The following KRT23 variants were observed in gnomAD, a reference collection of about 807,000 sequenced individuals.
KRT23 encodes the protein keratin 23.
KRT23 carries 38 observed loss-of-function variants against 47.6 expected under a neutral mutation model. That is an observed-to-expected ratio of 0.80 (90% CI 0.62 to 1.05). KRT23 has a LOEUF of 1.05. Among genes scored for constraint, KRT23 ranks in the 50% least tolerant of loss-of-function variants. KRT23 has a pLI of 0.00. For synonymous variants in KRT23, 191 were observed against 199.0 expected (o/e 0.96, Z 0.34); for missense variants, 503 against 529.5 (o/e 0.95, Z 0.49).
intron 4 of KRT23, among the ~76,000 whole-genome samples, chr17:40,928,951 T>TGCGAGGTG (rs1909432823): frequency 6.9e-6 from 1 of 144,098 alleles, no homozygotes; most frequent in African/African-American, 2.6e-5. Flanking sequence ...CGCTTGAACC[T>TGCGAGGTG]GCGAGGTGGA....
chr17:40,925,678 CT>C, intron 6 of KRT23, 104 bp from the exon 7 acceptor site: 1 of 832,458 alleles, frequency 1.2e-6, no homozygotes, highest in Non-Finnish European at 1.9e-6. Context: ...GGCTAGGTGT[CT>C]TGGTAGCTGC....
chr17:40,925,260 G>C, intron 7 of KRT23, 94 bp downstream of exon 7: 1 of 1,053,980 alleles, frequency 9.5e-7, no homozygotes, highest in African/African-American at 1.6e-5. Context: ...TCTTGCTAGA[G>C]TGACTCTTGC....
chr17:40,930,842 T>G (rs1909613722), intron 3 of KRT23, among the ~76,000 whole-genome samples: 2 of 151,960 alleles, frequency 1.3e-5, no homozygotes, highest in Non-Finnish European at 2.9e-5. Flanking sequence ...ATAACAACCC[T>G]TTAATATCAT....
chr17:40,936,281 T>A lies in KRT23; in HGVS notation c.323A>T (p.His108Leu), dbSNP rs1423595705. The A allele has an allele frequency of 1.7e-5, 27 of 1,614,090 alleles. No homozygotes were observed. Among genetic ancestry groups the A allele is most frequent in the Non-Finnish European group, 2.2e-5 (26 of 1,180,036 alleles). ...CTTACTGCCAGGATCTCTCTGCTGG[T>A]GCCATTTCAGGATGCGGCTTTCCAG... ...MKLESRILKW[H>L]QQRDPGSKKD... is the part of the protein sequence containing the mutation. The change falls in exon 2 of 9, where the codon CAC becomes CTC. Residue 108 changes from histidine to leucine, a missense_variant. By Grantham distance (99) the His-to-Leu change is moderately conservative (BLOSUM62 -3). Transcript: ENST00000209718.
intron 4 of KRT23, 170 bp downstream of exon 4, chr17:40,929,770 A>G: frequency 1.9e-6 from 1 of 532,656 alleles, no homozygotes; most frequent in Non-Finnish European, 3.2e-6. Context: ...TGACTAGCTA[A>G]CCTTGAAATT....
At chr17:40,935,113 T>TG (rs1909968175) in intron 2 of KRT23, among the ~76,000 whole-genome samples, 1 of 149,834 alleles carries the variant, frequency 6.7e-6, no homozygotes, top group Non-Finnish European at 1.5e-5. Context: ...GTCACCTTGT[T>TG]TTTTTTTTTT....
chr17:40,923,280 G>C (rs944531540), intron 8 of KRT23, among the ~76,000 whole-genome samples, 197 bp from the exon 9 acceptor site: 1 of 152,210 alleles, frequency 6.6e-6, no homozygotes, highest in Non-Finnish European at 1.5e-5. Context: ...CAGGAAATGA[G>C]GATCTCTGAA....
In KRT23 at chr17:40,927,900, G is replaced by A. The variant is rs150609606; in HGVS notation, c.921+338C>T. 2.1e-3 allele frequency among the ~76,000 whole-genome samples: 319 copies of A among 152,234 alleles called. 2 individuals are homozygous for A. The highest frequency in any genetic ancestry group is 7.2e-3 in the African/African-American group (301 of 41,542). On this transcript the variant is annotated intron_variant, in intron 6 of 8. Coordinates refer to ENST00000209718, the MANE Select transcript of KRT23 (RefSeq NM_015515.5). Reference sequence around the variant, plus strand: ...AATAAATCATATGGTTTCATCACCAGTTACTTACTAGCTGTGTGACCTTGG... The same window carrying A: ...AATAAATCATATGGTTTCATCACCAATTACTTACTAGCTGTGTGACCTTGG...
chr17:40,935,111 G>GTTTTTT (rs61234380), intron 2 of KRT23, among the ~76,000 whole-genome samples: 2 of 137,196 alleles, frequency 1.5e-5, no homozygotes, highest in Non-Finnish European at 3.2e-5. Context: ...GAGTCACCTT[G>GTTTTTT]TTTTTTTTTT....
At chr17:40,932,304 T>C (rs1909752391) in intron 2 of KRT23, among the ~76,000 whole-genome samples, 1 of 152,172 alleles carries the variant, frequency 6.6e-6, no homozygotes, top group African/African-American at 2.4e-5. Flanking sequence ...AGAAAAATAG[T>C]ATTGAAAGCA....
In KRT23 at chr17:40,922,772, A is replaced by C; in HGVS notation, c.*217T>G. ...AATCTGAAGGCTGCAGTAGGAAAGTAGAGCTTTACCCTCATAAACTCGCAC... is the reference window on the plus strand; with the variant it reads ...AATCTGAAGGCTGCAGTAGGAAAGTCGAGCTTTACCCTCATAAACTCGCAC... On this transcript the variant is annotated 3_prime_UTR_variant, in exon 9 of 9. Coordinates refer to ENST00000209718, the MANE Select transcript of KRT23 (RefSeq NM_015515.5). 2.3e-6 allele frequency: 1 copy of C among 429,788 alleles called. No individual in the cohort carries two copies. The highest frequency in any genetic ancestry group is 4.1e-6 in the Non-Finnish European group (1 of 242,434). The allele number at this position is 429,788 out of a possible 1,614,324, so 26.6% of individuals were successfully genotyped here. A position where few individuals can be genotyped will look rare whatever the true frequency, so the allele number is the denominator to read the frequency against.
chr17:40,933,029 AGCATATTATCG>A (rs1420500514), intron 2 of KRT23, among the ~76,000 whole-genome samples: 15 of 152,386 alleles, frequency 9.8e-5, no homozygotes, highest in African/African-American at 3.6e-4. Flanking sequence ...AATGTCAAAT[AGCATATTATCG>A]GCATATTATA....
At chr17:40,925,653 A>G in intron 6 of KRT23, 79 bp from the exon 7 acceptor site, 2 of 1,087,156 alleles carry the variant, frequency 1.8e-6, no homozygotes, top group Non-Finnish European at 2.7e-6. Context: ...AGTACTTAGC[A>G]GATGTCGACC....
intron 8 of KRT23, 130 bp downstream of exon 8, chr17:40,924,342 A>T (rs1399466721): frequency 5.9e-6 from 4 of 673,440 alleles, no homozygotes; most frequent in Non-Finnish European, 1.0e-5. Context: ...TGTTCATTGA[A>T]GATTCCTGAC....
chr17:40,936,830 C>A lies in KRT23; in HGVS notation c.-227G>T. ...ACACTGTTGTTGTTTAGAGCCACATCAATATGACAGTTTGCTTCCTCCCTT... is the reference window on the plus strand; with the variant it reads ...ACACTGTTGTTGTTTAGAGCCACATAAATATGACAGTTTGCTTCCTCCCTT... On this transcript the variant is annotated 5_prime_UTR_variant, in exon 2 of 9. The change abolishes the stop of an existing upstream ORF in the 5' untranslated region. Coordinates refer to ENST00000209718, the MANE Select transcript of KRT23 (RefSeq NM_015515.5). 2.4e-6 allele frequency: 1 copy of A among 409,352 alleles called. No individual in the cohort carries two copies. Among genetic ancestry groups the A allele is most frequent in the Non-Finnish European group, 4.3e-6 (1 of 233,424 alleles). The allele number at this position is 409,352 out of a possible 1,614,324, so 25.4% of individuals were successfully genotyped here. A position where few individuals can be genotyped will look rare whatever the true frequency, so the allele number is the denominator to read the frequency against.
rs754537239 is a variant in KRT23, at chr17:40,931,390, C to G, written c.462G>C (p.Val154=). The change falls in exon 3 of 9, where the codon GTG becomes GTC. Residue 154 remains valine (V), a synonymous_variant. Coordinates refer to ENST00000209718, the MANE Select transcript of KRT23 (RefSeq NM_015515.5). ...GAACTTACTTGAGGTTGAAGTCATC[C>G]ACTGCCATCCTGGCATTGTCAATGA... is the stretch of plus-strand genomic sequence containing the variant. ...ILLIDNARMA[V]DDFNLKYENE... 16 of 1,612,074 alleles carry G rather than the reference C, an allele frequency of 9.9e-6. No homozygotes were observed. The African/African-American group carries it at 1.9e-4, about 19-fold the overall frequency.
At position 40,936,348 on chromosome 17, in the gene KRT23, A is replaced by G; in HGVS notation, c.256T>C (p.Tyr86His). The G allele has an allele frequency of 1.2e-6, 2 of 1,614,222 alleles. No homozygotes were observed. The highest frequency in any genetic ancestry group is 1.7e-6 in the Non-Finnish European group (2 of 1,180,034). Residue 86 changes from tyrosine (Y) to histidine (H), a missense_variant, in exon 2 of 9, where the codon TAC (tyrosine) becomes CAC (histidine). Transcript: ENST00000209718. Reference protein sequence around the residue: ...MQNLNDRLASYLEKVRALEEA... With the variant: ...MQNLNDRLASHLEKVRALEEA... The stretch of plus-strand genomic sequence containing the variant: ...TCCAGGGCGCGAACCTTCTCCAGGT[A>G]GGAGGCCAGGCGGTCGTTGAGATTC...
chr17:40,936,790 C>T lies in KRT23; in HGVS notation c.-187G>A, dbSNP rs1910113785. On this transcript the variant is annotated 5_prime_UTR_variant, in exon 2 of 9. Transcript: ENST00000209718. ...TTTCCTCTTGGTCAATCCCAAAGTG[C>T]CCCTGGGCCTTCGCACACTGTTGTT... The T allele has an allele frequency of 4.1e-6, 2 of 482,740 alleles. No homozygotes were observed. The highest frequency in any genetic ancestry group is 7.7e-5 in the South Asian group (1 of 12,992). The allele number at this position is 482,740 out of a possible 1,614,324, so 29.9% of individuals were successfully genotyped here.
At position 40,925,355 on chromosome 17, in the gene KRT23, C is replaced by T. The variant is rs1909158131; in HGVS notation, c.1141G>A (p.Gly381Arg). The T allele has an allele frequency of 6.2e-7, 1 of 1,612,730 alleles. No homozygotes were observed. Among genetic ancestry groups the T allele is most frequent in the South Asian group, 1.1e-5 (1 of 91,026 alleles). The change falls in exon 7 of 9, where the codon GGG becomes AGG. Residue 381 changes from glycine to arginine, a missense_variant and splice_region_variant. Transcript: ENST00000209718. ...CTCTCGTGCCAGCCTTTGCCTTACC[C>T]TTCACTCTCTCCCTCCAGGAGCCGT... ...YRRLLEGESE[G>R]TREESKSSMK...
Sources: allele counts gnomAD v4.1 joint callset (sites outside exome capture counted in the v4.1 genomes callset), GRCh38; gene constraint gnomAD v4.1.1; transcripts MANE v1.5; gene names NCBI Gene and HGNC (gene_info 2026-07-23, HGNC 2026-07-21).